The following NELL2 variants were observed in gnomAD, a reference collection of about 807,000 sequenced individuals.
The protein encoded by NELL2 is protein kinase C-binding protein NELL2.
In NELL2, 41 loss-of-function variants were observed where a neutral mutation model predicts 109.6. The observed-to-expected ratio is 0.37, with a 90% CI of 0.29 to 0.49. The LOEUF (loss-of-function observed/expected upper bound fraction) is 0.49. NELL2 is among the 20% of genes least tolerant of loss of function. NELL2 has a pLI of 0.98. For missense variants in NELL2, 900 were observed against 1,008.3 expected (o/e 0.89, Z 1.45); for synonymous variants, 355 against 344.7 (o/e 1.03, Z -0.33).
chr12:44,624,996 G>GTGTGTATATA, intron 13 of NELL2, among the ~76,000 whole-genome samples: 1 of 71,126 alleles, frequency 1.4e-5, no homozygotes, highest in Middle Eastern at 7.7e-3. Context: ...ATATGTGTGT[G>GTGTGTATATA]TATATATATA....
intron 13 of NELL2, among the ~76,000 whole-genome samples, chr12:44,649,999 A>T (rs7295695): frequency 0.13 from 19,314 of 152,194 alleles, 1,457 homozygotes; most frequent in East Asian, 0.21. Flanking sequence ...TGAATAAAAT[A>T]AAAAATGTCA....
chr12:44,891,704 A>G (rs1318196808), intron 1 of NELL2, among the ~76,000 whole-genome samples: 1 of 152,112 alleles, frequency 6.6e-6, no homozygotes, highest in East Asian at 1.9e-4. Flanking sequence ...CTCTACTGTA[A>G]GAACAGAGCT....
chr12:44,612,904 A>C (rs1452578044), intron 13 of NELL2, among the ~76,000 whole-genome samples: 1 of 152,044 alleles, frequency 6.6e-6, no homozygotes, highest in Non-Finnish European at 1.5e-5. Context: ...GATAATGTTC[A>C]ATAAACGCTA....
At chr12:44,588,462 C>T (rs907185374) in intron 15 of NELL2, among the ~76,000 whole-genome samples, 1 of 151,884 alleles carries the variant, frequency 6.6e-6, no homozygotes, top group Admixed American at 6.6e-5. Flanking sequence ...AAATGACGTC[C>T]ACTGGCTTAG....
intron 15 of NELL2, among the ~76,000 whole-genome samples, chr12:44,577,696 T>C (rs1042324339): frequency 1.3e-5 from 2 of 151,974 alleles, no homozygotes; most frequent in Admixed American, 6.6e-5. Flanking sequence ...GCCAGGATGG[T>C]CTCGATCTCC....
At chr12:44,813,385 C>T (rs1168417742) in intron 3 of NELL2, among the ~76,000 whole-genome samples, 1 of 152,046 alleles carries the variant, frequency 6.6e-6, no homozygotes, top group Non-Finnish European at 1.5e-5. Context: ...TCAATAATAA[C>T]CTATCTAGAT....
chr12:44,605,856 G>C (rs1296690190), intron 15 of NELL2, among the ~76,000 whole-genome samples: 2 of 152,090 alleles, frequency 1.3e-5, no homozygotes, highest in Non-Finnish European at 2.9e-5. Context: ...TGATGTGTAG[G>C]GGCAAACTGG....
intron 12 of NELL2, among the ~76,000 whole-genome samples, chr12:44,687,628 G>T (rs1037455570): frequency 2.6e-5 from 4 of 152,138 alleles, no homozygotes; most frequent in African/African-American, 9.7e-5. Flanking sequence ...AATGCTAAGA[G>T]TTATGTTTCA....
intron 9 of NELL2, among the ~76,000 whole-genome samples, chr12:44,719,847 A>G (rs1938675893): frequency 6.6e-6 from 1 of 152,156 alleles, no homozygotes; most frequent in African/African-American, 2.4e-5. Context: ...GTTGGATGAG[A>G]AAAAAACTCA....
chr12:44,749,421 T>C (rs1012839633), intron 9 of NELL2, among the ~76,000 whole-genome samples: 10 of 152,150 alleles, frequency 6.6e-5, no homozygotes, highest in African/African-American at 2.4e-4. Flanking sequence ...CTTTTGGCCA[T>C]TTTCCTTTCC....
At chr12:44,570,992 A>G (rs1943848385) in intron 15 of NELL2, among the ~76,000 whole-genome samples, 1 of 152,188 alleles carries the variant, frequency 6.6e-6, no homozygotes, top group African/African-American at 2.4e-5. Context: ...GGGTTCTTCT[A>G]TAAGGAATCA....
intron 19 of NELL2, among the ~76,000 whole-genome samples, chr12:44,509,437 C>G (rs1253399304): frequency 2.0e-5 from 3 of 152,056 alleles, no homozygotes; most frequent in Non-Finnish European, 4.4e-5. Context: ...CTCTTAAAAC[C>G]CACATGTTGA....
intron 13 of NELL2, among the ~76,000 whole-genome samples, chr12:44,648,398 C>T (rs1947172691): frequency 6.6e-6 from 1 of 152,070 alleles, no homozygotes; most frequent in Admixed American, 6.6e-5. Flanking sequence ...ACCTTAACAA[C>T]TTCTACTATA....
At chr12:44,802,257 T>C (rs144567085) in intron 3 of NELL2, among the ~76,000 whole-genome samples, 3 of 152,218 alleles carry the variant, frequency 2.0e-5, no homozygotes, top group South Asian at 2.1e-4. Flanking sequence ...GTGGAAAACA[T>C]GAGGTTTATT....
rs553660828 is a variant in NELL2, at chr12:44,725,592, T to C, written c.995-10851A>G. ...AGCACTATTCACAATAGCAAAGACATGGAATCAACATAAATGCCCATTAAT... is the reference window on the plus strand; with the variant it reads ...AGCACTATTCACAATAGCAAAGACACGGAATCAACATAAATGCCCATTAAT... On this transcript the variant is annotated intron_variant, in intron 9 of 19. Coordinates refer to ENST00000429094, the MANE Select transcript of NELL2 (RefSeq NM_001145108.2). Among the ~76,000 whole-genome samples, 3 of 152,138 alleles carry C rather than the reference T, an allele frequency of 2.0e-5. No individual in the cohort carries two copies. In the South Asian group the frequency reaches 6.2e-4, roughly 32 times the overall value.
At chr12:44,628,585 T>C (rs904791423) in intron 13 of NELL2, among the ~76,000 whole-genome samples, 1 of 152,192 alleles carries the variant, frequency 6.6e-6, no homozygotes, top group African/African-American at 2.4e-5. Flanking sequence ...CCTGTAATGT[T>C]CTTCCCCAGG....
intron 2 of NELL2, among the ~76,000 whole-genome samples, chr12:44,828,290 T>G (rs924928310): frequency 6.6e-6 from 1 of 152,074 alleles, no homozygotes; most frequent in Non-Finnish European, 1.5e-5. Context: ...ATGATGCCAC[T>G]TCCTCTCCCT....
At chr12:44,712,798 T>C (rs1938275000) in intron 10 of NELL2, among the ~76,000 whole-genome samples, 1 of 151,982 alleles carries the variant, frequency 6.6e-6, no homozygotes, top group Non-Finnish European at 1.5e-5. Context: ...CAAAAGAATG[T>C]ACAATATTTT....
intron 2 of NELL2, among the ~76,000 whole-genome samples, chr12:44,853,447 C>G (rs908623207): frequency 2.6e-5 from 4 of 152,120 alleles, no homozygotes; most frequent in African/African-American, 9.6e-5. Flanking sequence ...CTGAACAATT[C>G]CTCCTTTGAG....
Sources: allele counts gnomAD v4.1 joint callset (sites outside exome capture counted in the v4.1 genomes callset), GRCh38; gene constraint gnomAD v4.1.1; transcripts MANE v1.5; gene names NCBI Gene and HGNC (gene_info 2026-07-23, HGNC 2026-07-21).